Variants in CUL5 observed in about 807,000 individuals in gnomAD.
CUL5 encodes the protein cullin 5, also known as cullin-5.
A neutral mutation model predicts 108.8 loss-of-function variants in CUL5; 26 were observed. That is an observed-to-expected ratio of 0.24 (90% CI 0.18 to 0.33). The LOEUF (loss-of-function observed/expected upper bound fraction) is 0.33. Ranked by LOEUF, CUL5 falls within the 10% of genes least tolerant of loss-of-function variation. CUL5 has a pLI of 1.00. For missense variants in CUL5, 524 were observed against 909.2 expected, an observed-to-expected ratio of 0.58 and a Z score of 5.45; for synonymous variants, 334 against 298.0, an observed-to-expected ratio of 1.12 and a Z score of -1.25.
chr11:108,016,270 C>T (rs1862188102), intron 1 of CUL5, among the ~76,000 whole-genome samples: 1 of 151,368 alleles, frequency 6.6e-6, no homozygotes, highest in Non-Finnish European at 1.5e-5. Flanking sequence ...CTTCTCTTCT[C>T]TTTTCTTTTC....
chr11:108,029,005 T>G (rs1190463179), intron 1 of CUL5, among the ~76,000 whole-genome samples: 1 of 152,200 alleles, frequency 6.6e-6, no homozygotes, highest in Non-Finnish European at 1.5e-5. Context: ...CTCTCCACTT[T>G]GTTTACTTTG....
intron 13 of CUL5, among the ~76,000 whole-genome samples, chr11:108,092,531 A>C (rs1864385310): frequency 6.6e-6 from 1 of 152,240 alleles, no homozygotes; most frequent in African/African-American, 2.4e-5. Context: ...GAATAAACTA[A>C]TAATACATGC....
chr11:108,050,353 C>T (rs1166792635), intron 4 of CUL5, among the ~76,000 whole-genome samples: 1 of 151,080 alleles, frequency 6.6e-6, no homozygotes, highest in African/African-American at 2.4e-5. Context: ...TTTTATTTCT[C>T]TATTCTTTCT....
intron 16 of CUL5, among the ~76,000 whole-genome samples, chr11:108,097,360 A>G (rs1218407510): frequency 6.6e-6 from 1 of 152,202 alleles, no homozygotes; most frequent in African/African-American, 2.4e-5. Flanking sequence ...AATAGCTGGT[A>G]TATAACTGGC....
At chr11:108,047,763 A>G (rs1863102207) in intron 3 of CUL5, among the ~76,000 whole-genome samples, 1 of 152,240 alleles carries the variant, frequency 6.6e-6, no homozygotes, top group Admixed American at 6.5e-5. Flanking sequence ...ATTTAGAGAT[A>G]CAGTTTCTAC....
At chr11:108,095,086 A>G (rs1864456749) in intron 15 of CUL5, 99 bp downstream of exon 15, 1 of 1,037,500 alleles carries the variant, frequency 9.6e-7, no homozygotes, top group Non-Finnish European at 1.4e-6. Context: ...TGCCTCTCTC[A>G]CATGTAAAAG....
At chr11:108,058,202 C>G (rs1188498175) in intron 7 of CUL5, among the ~76,000 whole-genome samples, 1 of 88,252 alleles carries the variant, frequency 1.1e-5, no homozygotes, top group African/African-American at 4.5e-5. Flanking sequence ...GAGCAAGACT[C>G]TGTCTCAAAA....
intron 7 of CUL5, among the ~76,000 whole-genome samples, chr11:108,068,555 C>T (rs1316857538): frequency 6.6e-6 from 1 of 152,002 alleles, no homozygotes; most frequent in African/African-American, 2.4e-5. Flanking sequence ...TTAGTAGTTA[C>T]CAACATTATG....
chr11:108,074,832 CAAAT>C (rs529294597), intron 10 of CUL5, among the ~76,000 whole-genome samples: 3 of 151,864 alleles, frequency 2.0e-5, no homozygotes, highest in South Asian at 2.1e-4. Flanking sequence ...AAAAATAAAA[CAAAT>C]AAGTAGGTAA....
At chr11:108,049,121 C>T (rs1280280903) in intron 3 of CUL5, among the ~76,000 whole-genome samples, 1 of 152,086 alleles carries the variant, frequency 6.6e-6, no homozygotes, top group African/African-American at 2.4e-5. Context: ...AAAAAGAAAT[C>T]CTATACCTAT....
intron 1 of CUL5, among the ~76,000 whole-genome samples, chr11:108,020,544 T>TG (rs201629707): frequency 0.012 from 1,776 of 151,224 alleles, 23 homozygotes; most frequent in African/African-American, 0.02. Context: ...GATTTTTTTT[T>TG]TTTTGTTTTT....
At chr11:108,050,218 C>A (rs879396714) in intron 4 of CUL5, 152 bp downstream of exon 4, 5 of 585,314 alleles carry the variant, frequency 8.5e-6, no homozygotes, top group Non-Finnish European at 1.5e-5. Flanking sequence ...GAATAATATT[C>A]TTTTTTGTCT....
intron 3 of CUL5, 22 bp downstream of exon 3, chr11:108,046,391 TA>T (rs1242166274): frequency 7.2e-7 from 1 of 1,398,036 alleles, no homozygotes. Context: ...ATGCTTATTT[TA>T]GACTTGTTTT....
chr11:108,094,335 G>GTT (rs2135236974), intron 13 of CUL5, 56 bp from the exon 14 acceptor site: 1 of 1,320,916 alleles, frequency 7.6e-7, no homozygotes, highest in African/African-American at 1.5e-5. Context: ...ATTTTTCCCA[G>GTT]TAATATATCA....
intron 18 of CUL5, among the ~76,000 whole-genome samples, chr11:108,101,619 C>G (rs560954216): frequency 1.3e-5 from 2 of 152,316 alleles, no homozygotes; most frequent in South Asian, 4.1e-4. Context: ...GTGGCAGGTC[C>G]ATTAGCTCGA....
chr11:108,058,553 T>TAAAAAA (rs1863457206), intron 7 of CUL5, among the ~76,000 whole-genome samples: 1 of 151,288 alleles, frequency 6.6e-6, no homozygotes, highest in Non-Finnish European at 1.5e-5. Context: ...CGGCCCAAAG[T>TAAAAAA]GATTTTTTTT....
At chr11:108,092,525 A>G (rs12294084) in intron 13 of CUL5, among the ~76,000 whole-genome samples, 112 of 152,354 alleles carry the variant, frequency 7.4e-4, no homozygotes, top group African/African-American at 2.6e-3. Context: ...AAAAAGGAAT[A>G]AACTAATAAT....
chr11:108,031,553 C>G (rs952687588), intron 1 of CUL5, among the ~76,000 whole-genome samples: 20 of 152,126 alleles, frequency 1.3e-4, no homozygotes, highest in African/African-American at 4.8e-4. Context: ...AACAGGGAGT[C>G]CTTTCTCTTT....
chr11:108,079,957 C>T (rs1864034057), intron 11 of CUL5, among the ~76,000 whole-genome samples: 1 of 152,186 alleles, frequency 6.6e-6, no homozygotes, highest in South Asian at 2.1e-4. Context: ...CTCTTTTACA[C>T]TTCCACCAAT....
Sources: allele counts gnomAD v4.1 joint callset (sites outside exome capture counted in the v4.1 genomes callset), GRCh38; gene constraint gnomAD v4.1.1; transcripts MANE v1.5; gene names NCBI Gene and HGNC (gene_info 2026-07-23, HGNC 2026-07-21).